Variants in SRPRB observed in about 807,000 individuals in gnomAD.
SRPRB encodes signal recognition particle receptor subunit beta.
SRPRB carries 20 observed loss-of-function variants against 31.9 expected under a neutral mutation model. That is an observed-to-expected ratio of 0.63 (90% CI 0.44 to 0.91). The LOEUF is 0.91. Among genes scored for constraint, SRPRB ranks in the 40% least tolerant of loss-of-function variants. The pLI, the probability that SRPRB is intolerant of heterozygous loss-of-function variation, is 0.00. For missense variants in SRPRB, 321 were observed against 324.9 expected (o/e 0.99, Z 0.09); for synonymous variants, 146 against 132.8 (o/e 1.10, Z -0.68).
downstream of SRPRB, chr3:133,827,358 C>G (rs1935581130): frequency 6.6e-6 from 1 of 152,360 alleles, no homozygotes; most frequent in Non-Finnish European, 1.5e-5. Flanking sequence ...GCCCATTGCA[C>G]CTGGCTCTGT....
rs573448357 is a variant in SRPRB, at chr3:133,811,775, G to A, written c.410+576G>A. Among the ~76,000 whole-genome samples, 221 of 152,016 alleles carry A rather than the reference G, an allele frequency of 1.5e-3. 8 individuals carry two copies. The South Asian group carries it at 0.044, about 30-fold the overall frequency. Reference sequence around the variant, plus strand: ...TTTTTCATAATTTTAGTAGAGATGGGGTTTCACCATGTTGGCCAGGCTTGT... The same window carrying A: ...TTTTTCATAATTTTAGTAGAGATGGAGTTTCACCATGTTGGCCAGGCTTGT... On this transcript the variant is annotated intron_variant, in intron 4 of 6. Coordinates refer to ENST00000678299, the MANE Select transcript of SRPRB (RefSeq NM_001379313.1).
intron 1 of SRPRB, chr3:133,790,518 G>A (rs979801658): frequency 9.2e-5 from 14 of 152,308 alleles, no homozygotes; most frequent in African/African-American, 2.9e-4. Flanking sequence ...AGAACGATAT[G>A]GAAAAAGTTT....
At position 133,806,595 on chromosome 3, in the gene SRPRB, T is replaced by C. The variant is rs1416020572; in HGVS notation, c.155-14T>C. On this transcript the variant is annotated splice_polypyrimidine_tract_variant and intron_variant, in intron 1 of 6. Coordinates refer to ENST00000678299, the MANE Select transcript of SRPRB (RefSeq NM_001379313.1). ...AGGCGTAATTTTTGTTGTTTTTCTC[T>C]GTCTATTCCACAGTCTTCTGGAAGT... is the stretch of plus-strand genomic sequence containing the variant. 3 of 1,610,600 alleles carry C rather than the reference T, an allele frequency of 1.9e-6. No individual in the cohort carries two copies. The highest frequency in any genetic ancestry group is 2.5e-6 in the Non-Finnish European group (3 of 1,177,008).
chr3:133,792,606 T>C (rs1438056117), intron 1 of SRPRB: 1 of 152,182 alleles, frequency 6.6e-6, no homozygotes, highest in African/African-American at 2.4e-5. Flanking sequence ...TCGCTAAGAG[T>C]TAACATTGTA....
At chr3:133,819,346 T>C (rs1935423755) in intron 6 of SRPRB, among the ~76,000 whole-genome samples, 1 of 148,610 alleles carries the variant, frequency 6.7e-6, no homozygotes, top group Non-Finnish European at 1.5e-5. Flanking sequence ...CCCTGTGAGG[T>C]CTGACCCCCC....
upstream of SRPRB, among the ~76,000 whole-genome samples, chr3:133,801,213 A>T (rs1559888276): frequency 6.6e-6 from 1 of 152,170 alleles, no homozygotes; most frequent in Non-Finnish European, 1.5e-5. Flanking sequence ...TAGTTTATGG[A>T]AGAGAAGAGA....
chr3:133,804,832 A>C (rs958776608), upstream of SRPRB, among the ~76,000 whole-genome samples: 4 of 152,176 alleles, frequency 2.6e-5, no homozygotes, highest in African/African-American at 9.7e-5. Flanking sequence ...TGACATCTTC[A>C]TGTCTCTACT....
At chr3:133,806,125 C>A (rs1000930993) in intron 1 of SRPRB, 123 bp downstream of exon 1, 6 of 1,302,758 alleles carry the variant, frequency 4.6e-6, no homozygotes, top group Middle Eastern at 5.5e-4. Context: ...GAGGGTGAGA[C>A]CCACCCAGTC....
Position 133,807,778 on chromosome 3 carries a change from G to A in SRPRB, c.282G>A (p.Thr94=), listed in dbSNP as rs142435083. 5.5e-5 allele frequency: 88 copies of A among 1,612,514 alleles called. No homozygotes were observed. In the African/African-American group the frequency reaches 8.8e-4, roughly 16 times the overall value. Residue 94 remains threonine, a synonymous_variant, in exon 3 of 7, where the codon ACG becomes ACA. Transcript: ENST00000678299. ...LLTGLYRDTQ[T]SITDSCAVYR... ...CAGGCCTTTATAGAGACACTCAGAC[G>A]TCCATTACTGACAGCTGTGCTGTAT...
intron 1 of SRPRB, chr3:133,791,893 T>A (rs1934848438): frequency 6.6e-6 from 1 of 152,248 alleles, no homozygotes; most frequent in African/African-American, 2.4e-5. Flanking sequence ...TAATAAGAGC[T>A]TAAATCAAAT....
downstream of SRPRB, chr3:133,824,160 G>C (rs1935518127): frequency 6.6e-6 from 1 of 152,278 alleles, no homozygotes; most frequent in Non-Finnish European, 1.5e-5. Flanking sequence ...AAGGGACTCT[G>C]TGGAGCACAC....
chr3:133,787,961 C>T (rs1005794942), intron 1 of SRPRB: 1 of 152,184 alleles, frequency 6.6e-6, no homozygotes, highest in African/African-American at 2.4e-5. Context: ...CCCTAAGTGA[C>T]ACATGGGCCC....
chr3:133,826,158 A>G (rs528643342), downstream of SRPRB: 4 of 152,338 alleles, frequency 2.6e-5, no homozygotes, highest in Admixed American at 2.0e-4. Flanking sequence ...GGAACCACTG[A>G]GATGGGAGGA....
chr3:133,798,565 T>G (rs573493128), intron 1 of SRPRB, among the ~76,000 whole-genome samples: 1 of 152,326 alleles, frequency 6.6e-6, no homozygotes, highest in Admixed American at 6.5e-5. Context: ...TTTTATAAAA[T>G]TTTTGTTCCA....
intron 4 of SRPRB, among the ~76,000 whole-genome samples, chr3:133,814,495 G>T (rs935208097): frequency 1.3e-5 from 2 of 151,730 alleles, no homozygotes; most frequent in African/African-American, 4.8e-5. Flanking sequence ...CTGGAGTGCA[G>T]TGGCATGATC....
chr3:133,810,938 G>A lies in SRPRB; in HGVS notation c.328-179G>A, dbSNP rs1320579878. On this transcript the variant is annotated intron_variant, in intron 3 of 6. Transcript: ENST00000678299. ...TAAATTTTGCCAGATCAGGAACCGT[G>A]TCTTTGGCCACTGTTACATCCCCAG... 5 of 513,804 alleles carry A rather than the reference G, an allele frequency of 9.7e-6. No homozygotes were observed. The African/African-American group carries it at 9.8e-5, about 10-fold the overall frequency. 31.8% of individuals were successfully genotyped at this position (513,804 alleles called of 1,614,324 possible). A position where few individuals can be genotyped will look rare whatever the true frequency, so the allele number is the denominator to read the frequency against.
At position 133,821,297 on chromosome 3, in the gene SRPRB, C is replaced by G. The variant is rs1935470213; in HGVS notation, c.*1531C>G. On this transcript the variant is annotated 3_prime_UTR_variant, in exon 7 of 7. Coordinates refer to ENST00000678299, the MANE Select transcript of SRPRB (RefSeq NM_001379313.1). ...ACATGAAATGGAGGAGTTGTGAGAC[C>G]CTGACCCTGAGTCCTTACTTGAAAG... 2 of 152,264 alleles carry G rather than the reference C, an allele frequency of 1.3e-5. No individual in the cohort carries two copies. Among genetic ancestry groups the G allele is most frequent in the South Asian group, 2.1e-4 (1 of 4,812 alleles). The allele number at this position is 152,264 out of a possible 1,614,324, so 9.4% of individuals were successfully genotyped here.
At chr3:133,805,723 A>G, upstream of SRPRB, 4 of 1,304,314 alleles carry the variant, frequency 3.1e-6, no homozygotes, top group Non-Finnish European at 4.1e-6. Context: ...CACTTGGGGG[A>G]TCGCCGCGGC....
intron 1 of SRPRB, chr3:133,789,919 C>G (rs1221271269): frequency 6.5e-5 from 7 of 106,964 alleles, no homozygotes; most frequent in Non-Finnish European, 1.2e-4. Context: ...GACAAATGAG[C>G]ATAATTTAAT....
Sources: allele counts gnomAD v4.1 joint callset (sites outside exome capture counted in the v4.1 genomes callset), GRCh38; gene constraint gnomAD v4.1.1; transcripts MANE v1.5; gene names NCBI Gene and HGNC (gene_info 2026-07-23, HGNC 2026-07-21).